Variants in DENND1B observed in about 807,000 individuals in gnomAD.
The protein encoded by DENND1B is DENN domain-containing protein 1B.
In DENND1B, 59 loss-of-function variants were observed where a neutral mutation model predicts 90.1. The observed-to-expected ratio is 0.65, with a 90% CI of 0.53 to 0.81. The LOEUF (loss-of-function observed/expected upper bound fraction) is 0.81. Among genes scored for constraint, DENND1B ranks in the 40% least tolerant of loss-of-function variants. The probability of loss-of-function intolerance (pLI) is 0.00; values close to 1 mark genes in which losing one functional copy is unlikely to be tolerated. For synonymous variants in DENND1B, 337 were observed against 324.6 expected (o/e 1.04, Z -0.41); for missense variants, 862 against 912.6 (o/e 0.94, Z 0.71).
At chr1:197,551,337 C>A (rs1158767683) in intron 16 of DENND1B, among the ~76,000 whole-genome samples, 1 of 152,090 alleles carries the variant, frequency 6.6e-6, no homozygotes, top group African/African-American at 2.4e-5. Flanking sequence ...TAATATTTGT[C>A]AAATTAGGCT....
At chr1:197,774,856 C>T (rs1486159724) in intron 1 of DENND1B, among the ~76,000 whole-genome samples, 1 of 152,098 alleles carries the variant, frequency 6.6e-6, no homozygotes, top group Non-Finnish European at 1.5e-5. Context: ...CCGGCCTCCC[C>T]TGTCCCCCGA....
At position 197,554,100 on chromosome 1, in the gene DENND1B, TACACACACACACACACACAC is replaced by T. The variant is rs4026509; in HGVS notation, c.1150-1008_1150-989del. On this transcript the variant is annotated intron_variant, in intron 15 of 22. Coordinates refer to ENST00000620048, the MANE Select transcript of DENND1B (RefSeq NM_001195215.2). ...AACCCAAGGTGAAAATCAATGATTA[TACACACACACACACACACAC>T]ACACACACACACACACACACACACA... Among the ~76,000 whole-genome samples, 39 of 140,078 alleles carry T rather than the reference TACACACACACACACACACAC, an allele frequency of 2.8e-4. No homozygotes were observed. In the East Asian group the frequency reaches 4.0e-3, roughly 15 times the overall value. The allele number at this position is 140,078 out of a possible 152,430, so 91.9% of individuals were successfully genotyped here.
intron 7 of DENND1B, among the ~76,000 whole-genome samples, chr1:197,647,348 C>T (rs919287596): frequency 6.6e-5 from 10 of 151,944 alleles, no homozygotes; most frequent in South Asian, 4.2e-4. Flanking sequence ...GGATATTTGA[C>T]GATTTTGAAA....
intron 3 of DENND1B, among the ~76,000 whole-genome samples, chr1:197,681,348 A>T (rs550445557): frequency 9.9e-5 from 15 of 152,184 alleles, no homozygotes; most frequent in Non-Finnish European, 2.2e-4. Flanking sequence ...CATCACACAC[A>T]AAAAGCTTAC....
intron 15 of DENND1B, among the ~76,000 whole-genome samples, chr1:197,571,592 T>A (rs1278427476): frequency 2.0e-5 from 3 of 152,214 alleles, no homozygotes; most frequent in Non-Finnish European, 4.4e-5. Flanking sequence ...TCATATACTC[T>A]GAACTTTTTG....
intron 2 of DENND1B, among the ~76,000 whole-genome samples, chr1:197,755,690 ATTGGACT>A (rs1654190477): frequency 1.3e-5 from 2 of 152,216 alleles, no homozygotes; most frequent in African/African-American, 4.8e-5. Flanking sequence ...AAAGAGGTTT[ATTGGACT>A]TAACAGTTCC....
At chr1:197,536,857 T>C (rs1669944244) in intron 20 of DENND1B, among the ~76,000 whole-genome samples, 3 of 151,748 alleles carry the variant, frequency 2.0e-5, no homozygotes, top group Admixed American at 2.0e-4. Flanking sequence ...CTGGCTAACA[T>C]AAACCCCGTC....
intron 7 of DENND1B, among the ~76,000 whole-genome samples, chr1:197,650,937 G>A (rs1398514151): frequency 3.9e-5 from 6 of 151,962 alleles, no homozygotes; most frequent in South Asian, 4.2e-4. Context: ...AGAGTGATGG[G>A]TGCACCAAAA....
At chr1:197,545,007 C>A (rs912895669) in intron 18 of DENND1B, among the ~76,000 whole-genome samples, 45 of 7,514 alleles carry the variant, frequency 6.0e-3, no homozygotes, top group Middle Eastern at 0.1. Context: ...AGGAAGACGA[C>A]GACGACGACG....
intron 20 of DENND1B, among the ~76,000 whole-genome samples, chr1:197,513,544 T>C (rs565533357): frequency 1.3e-5 from 2 of 151,452 alleles, no homozygotes; most frequent in Non-Finnish European, 3.0e-5. Context: ...CTTTGAATCA[T>C]TAAGTTTTTG....
chr1:197,775,293 T>C lies in DENND1B; in HGVS notation c.-138A>G. On this transcript the variant is annotated 5_prime_UTR_variant, in exon 1 of 23. Transcript: ENST00000620048. ...GGAAAGAGGCTGCTCACAGCAGCCG[T>C]GGCGGCGGGCCCATGTCGGCTGCGC... 1 of 637,416 alleles carries C rather than the reference T, an allele frequency of 1.6e-6. No individual in the cohort carries two copies. Among genetic ancestry groups the C allele is most frequent in the Non-Finnish European group, 2.2e-6 (1 of 447,556 alleles). 39.5% of individuals were successfully genotyped at this position (637,416 alleles called of 1,614,324 possible).
intron 15 of DENND1B, among the ~76,000 whole-genome samples, chr1:197,569,402 T>C (rs1571911831): frequency 6.6e-6 from 1 of 152,208 alleles, no homozygotes; most frequent in East Asian, 1.9e-4. Flanking sequence ...TATTATATGA[T>C]CCAGCAATTC....
chr1:197,592,159 C>T lies in DENND1B; in HGVS notation c.1047+3049G>A, dbSNP rs952123518. Among the ~76,000 whole-genome samples, 6 of 120,856 alleles carry T rather than the reference C, an allele frequency of 5.0e-5. No homozygotes were observed. In the South Asian group the frequency reaches 1.1e-3, roughly 23 times the overall value. The allele number at this position is 120,856 out of a possible 152,430, so 79.3% of individuals were successfully genotyped here. The stretch of plus-strand genomic sequence containing the variant: ...ATATGATAACAGAGGCAAAGTAGAA[C>T]AGAAATATGCCACACTAGAGCAAGA... On this transcript the variant is annotated intron_variant, in intron 14 of 22. Transcript: ENST00000620048.
At chr1:197,687,935 T>C (rs1056916098) in intron 3 of DENND1B, among the ~76,000 whole-genome samples, 2 of 152,080 alleles carry the variant, frequency 1.3e-5, no homozygotes, top group African/African-American at 2.4e-5. Context: ...GCATCAAAAA[T>C]TTATTAGACA....
chr1:197,586,476 A>T (rs1418466999), intron 14 of DENND1B, among the ~76,000 whole-genome samples: 1 of 152,216 alleles, frequency 6.6e-6, no homozygotes, highest in Non-Finnish European at 1.5e-5. Flanking sequence ...AAGAGTATAA[A>T]GACATCCAGA....
At chr1:197,589,897 G>A (rs973259282) in intron 14 of DENND1B, among the ~76,000 whole-genome samples, 2 of 152,102 alleles carry the variant, frequency 1.3e-5, no homozygotes, top group Admixed American at 1.3e-4. Flanking sequence ...TGTGCTCTCA[G>A]GCAGGATAAT....
Position 197,545,052 on chromosome 1 carries a change from A to AAGGAGAAGAAGGAGAAGG in DENND1B, c.1350+869_1350+870insCCTTCTCCTTCTTCTCCT, listed in dbSNP as rs77114737. 7.9e-4 allele frequency among the ~76,000 whole-genome samples: 99 copies of AAGGAGAAGAAGGAGAAGG among 124,944 alleles called. 2 individuals are homozygous for AAGGAGAAGAAGGAGAAGG. In the South Asian group the frequency reaches 0.014, roughly 18 times the overall value. 82.0% of individuals were successfully genotyped at this position (124,944 alleles called of 152,430 possible). A position where few individuals can be genotyped will look rare whatever the true frequency, so the allele number is the denominator to read the frequency against. ...GGAGGAGAAGGAGAAGGAGAAGGAG[A>AAGGAGAAGAAGGAGAAGG]AGAAGAAGAAGAAGAAGAATTCCAA... On this transcript the variant is annotated intron_variant, in intron 18 of 22. Coordinates refer to ENST00000620048, the MANE Select transcript of DENND1B (RefSeq NM_001195215.2).
chr1:197,550,806 T>C (rs1216578752), intron 16 of DENND1B, among the ~76,000 whole-genome samples: 1 of 148,182 alleles, frequency 6.7e-6, no homozygotes, highest in East Asian at 2.0e-4. Context: ...AAAACTTTAA[T>C]TAAAAAAAAA....
In DENND1B at chr1:197,507,257, T is replaced by C. The variant is rs1667773209; in HGVS notation, c.*3203A>G. The C allele has an allele frequency of 6.6e-6, 1 of 150,764 alleles. No individual in the cohort carries two copies. Among genetic ancestry groups the C allele is most frequent in the Admixed American group, 6.6e-5 (1 of 15,086 alleles). The allele number at this position is 150,764 out of a possible 1,614,324, so 9.3% of individuals were successfully genotyped here. A position where few individuals can be genotyped will look rare whatever the true frequency, so the allele number is the denominator to read the frequency against. On this transcript the variant is annotated 3_prime_UTR_variant, in exon 23 of 23. Transcript: ENST00000620048. ...CAGAGCAGGGACTATGTCAGTTATT[T>C]TATTTCCCATATCCTCAGTTACTGT...
Sources: allele counts gnomAD v4.1 joint callset (sites outside exome capture counted in the v4.1 genomes callset), GRCh38; gene constraint gnomAD v4.1.1; transcripts MANE v1.5; gene names NCBI Gene and HGNC (gene_info 2026-07-23, HGNC 2026-07-21).